The following NRBP2 variants were observed in gnomAD, a reference collection of about 807,000 sequenced individuals.
The protein encoded by NRBP2 is nuclear receptor-binding protein 2.
In NRBP2, 47 loss-of-function variants were observed where a neutral mutation model predicts 74.4. The observed-to-expected ratio is 0.63, with a 90% CI of 0.50 to 0.81. The LOEUF (loss-of-function observed/expected upper bound fraction) is 0.81. Among genes scored for constraint, NRBP2 ranks in the 30% least tolerant of loss-of-function variants. NRBP2 has a pLI of 0.00. For synonymous variants in NRBP2, 312 were observed against 273.8 expected (o/e 1.14, Z -1.38); for missense variants, 613 against 690.1 (o/e 0.89, Z 1.25).
Position 143,840,793 on chromosome 8 carries a change from C to T in NRBP2, c.42G>A (p.Arg14=), listed in dbSNP as rs1818660085. The part of the protein sequence containing the change: ...PEPAPRRARE[R]EREREDESED... The stretch of plus-strand genomic sequence containing the variant: ...CGCTCTCGTCCTCCCGCTCCCGCTC[C>T]CGTTCCCGGGCCCGCCTCGGCGCCG... The change falls in exon 1 of 18, where the codon CGG becomes CGA. Residue 14 remains arginine, a synonymous_variant. Transcript: ENST00000442628. This position sits in a 1 kb window ranked among gnomAD's most constrained non-coding sequence, Gnocchi z 5.7. 1.3e-6 allele frequency: 2 copies of T among 1,504,242 alleles called. No individual in the cohort carries two copies. The highest frequency in any genetic ancestry group is 2.7e-5 in the East Asian group (1 of 36,542). 93.2% of individuals were successfully genotyped at this position (1,504,242 alleles called of 1,614,324 possible). A position where few individuals can be genotyped will look rare whatever the true frequency, so the allele number is the denominator to read the frequency against.
In NRBP2 at chr8:143,837,600, C is replaced by T. The variant is rs782153057; in HGVS notation, c.973+23G>A. Reference sequence around the variant, plus strand: ...CCCAACCTCCACCTCCCCAGCCACCCCCCGGGCCGGCCTGCTGCTCACACT... The same window carrying T: ...CCCAACCTCCACCTCCCCAGCCACCTCCCGGGCCGGCCTGCTGCTCACACT... On this transcript the variant is annotated intron_variant, in intron 11 of 17. Coordinates refer to ENST00000442628, the MANE Select transcript of NRBP2 (RefSeq NM_178564.4). This position sits in a 1 kb window ranked among gnomAD's most constrained non-coding sequence, Gnocchi z 4.3. 2 of 1,597,534 alleles carry T rather than the reference C, an allele frequency of 1.3e-6. No homozygotes were observed. Among genetic ancestry groups the T allele is most frequent in the South Asian group, 1.1e-5 (1 of 88,296 alleles).
chr8:143,839,733 T>C lies in NRBP2; in HGVS notation c.444+3A>G. The C allele has an allele frequency of 6.5e-7, 1 of 1,535,560 alleles. No individual in the cohort carries two copies. Among genetic ancestry groups the C allele is most frequent in the Non-Finnish European group, 8.7e-7 (1 of 1,146,560 alleles). On this transcript the variant is annotated splice_donor_region_variant and intron_variant, in intron 4 of 17. Transcript: ENST00000442628. The surrounding 1 kb of genome is among the most constrained non-coding windows in gnomAD (Gnocchi z 5.1). ...CGTGGCTGCCCCAGCCCGCTCCCCA[T>C]ACCCGGGCGTTCATGGCCTTGTGGT...
At chr8:143,830,583 G>C (rs1282870734), downstream of NRBP2, among the ~76,000 whole-genome samples, 1 of 152,254 alleles carries the variant, frequency 6.6e-6, no homozygotes, top group African/African-American at 2.4e-5. Flanking sequence ...TAGCTCAAAA[G>C]AAAAGACTGG....
chr8:143,836,292 G>C (rs1818382216), intron 14 of NRBP2, 112 bp from the exon 15 acceptor site: 6 of 1,382,718 alleles, frequency 4.3e-6, no homozygotes. Flanking sequence ...ATCTCTAAGA[G>C]GAGCCCATCT....
rs1457494212 is a variant in NRBP2 at position 143,839,026 on chromosome 8, CTG to C, written c.677_678del (p.Pro226ArgfsTer50). ...ACCCAGCACCACTCACCTCCATACT[CTG>C]GGGGGAAGAAGTGCAGGTTCCGAAG... ...EELRNLHFFP[P>X]EYGEVADGTA... On this transcript the variant is annotated frameshift_variant, in exon 8 of 18. Coordinates refer to ENST00000442628, the MANE Select transcript of NRBP2 (RefSeq NM_178564.4). LOFTEE classifies it high-confidence loss of function. The surrounding 1 kb of genome is among the most constrained non-coding windows in gnomAD (Gnocchi z 5.1). 1.3e-6 allele frequency: 2 copies of C among 1,545,148 alleles called. No individual in the cohort carries two copies. The highest frequency in any genetic ancestry group is 1.7e-6 in the Non-Finnish European group (2 of 1,146,200).
chr8:143,837,489 C>A lies in NRBP2; in HGVS notation c.994G>T (p.Val332Leu), dbSNP rs782383760. 5 of 1,611,000 alleles carry A rather than the reference C, an allele frequency of 3.1e-6. No individual in the cohort carries two copies. In the Admixed American group the frequency reaches 8.4e-5, roughly 27 times the overall value. Reference sequence around the variant, plus strand: ...TCCATGGCCTTGGTCTTCTCCTCCACCACATTCTCAGGCATGAGGTCTGCG... The same window carrying A: ...TCCATGGCCTTGGTCTTCTCCTCCAACACATTCTCAGGCATGAGGTCTGCG... The part of the protein sequence containing the change: ...QHQYLMPENV[V>L]EEKTKAMDLH... The change falls in exon 12 of 18, where the codon GTG (valine) becomes TTG (leucine). Residue 332 changes from valine to leucine, a missense_variant. This residue lies in a region of NRBP2 where 281 missense variants were observed against 260.9 expected (regional missense o/e 1.08). Transcript: ENST00000442628. This position sits in a 1 kb window ranked among gnomAD's most constrained non-coding sequence, Gnocchi z 4.3.
In NRBP2 at chr8:143,837,112, A is replaced by G. The variant is rs56010327; in HGVS notation, c.1190T>C (p.Leu397Pro). The G allele has an allele frequency of 6.0e-3, 9,607 of 1,612,592 alleles. 380 individuals carry two copies. In the African/African-American group the frequency reaches 0.095, roughly 16 times the overall value. ...TTGGACCTCCTCCGGGGGTGGGGCCAGCACACGGGGCAGCCCCAGGGGTCG... is the reference window on the plus strand; with the variant it reads ...TTGGACCTCCTCCGGGGGTGGGGCCGGCACACGGGGCAGCCCCAGGGGTCG... ...ATRPLGLPRV[L>P]APPPEEVQKA... The change falls in exon 14 of 18, where the codon CTG becomes CCG. Residue 397 changes from leucine (L) to proline (P), a missense_variant. Coordinates refer to ENST00000442628, the MANE Select transcript of NRBP2 (RefSeq NM_178564.4). This position sits in a 1 kb window ranked among gnomAD's most constrained non-coding sequence, Gnocchi z 4.3.
In NRBP2 at chr8:143,836,086, G is replaced by A. The variant is rs782149448; in HGVS notation, c.1317+41C>T. 1.4e-5 allele frequency: 22 copies of A among 1,588,392 alleles called. No individual in the cohort carries two copies. In the East Asian group the frequency reaches 1.8e-4, roughly 13 times the overall value. Reference sequence around the variant, plus strand: ...GGGTTCAGGGCTCCGCCACGCTCCCGCCTTCCCCACGGCAGCGCCGCCCTC... The same window carrying A: ...GGGTTCAGGGCTCCGCCACGCTCCCACCTTCCCCACGGCAGCGCCGCCCTC... On this transcript the variant is annotated intron_variant, in intron 15 of 17. Coordinates refer to ENST00000442628, the MANE Select transcript of NRBP2 (RefSeq NM_178564.4).
chr8:143,837,093 C>T lies in NRBP2; in HGVS notation c.1209G>A (p.Glu403=), dbSNP rs782450016. Residue 403 remains glutamate, a synonymous_variant, in exon 14 of 18, where the codon GAG becomes GAA. Transcript: ENST00000442628. The surrounding 1 kb of genome is among the most constrained non-coding windows in gnomAD (Gnocchi z 4.3). The part of the protein sequence containing the change: ...LPRVLAPPPE[E]VQKAKTPTPE... The stretch of plus-strand genomic sequence containing the variant: ...GCGTCGGGGTCTTGGCCTTTTGGAC[C>T]TCCTCCGGGGGTGGGGCCAGCACAC... 6.2e-7 allele frequency: 1 copy of T among 1,611,306 alleles called. No individual in the cohort carries two copies. The highest frequency in any genetic ancestry group is 8.5e-7 in the Non-Finnish European group (1 of 1,179,076).
chr8:143,836,204 T>G (rs782384532), intron 14 of NRBP2, 24 bp from the exon 15 acceptor site: 4 of 1,519,226 alleles, frequency 2.6e-6, no homozygotes, highest in Non-Finnish European at 3.5e-6. Context: ...AGGCTGGGAC[T>G]CACAAACCCA....
downstream of NRBP2, among the ~76,000 whole-genome samples, chr8:143,831,789 G>T (rs139287358): frequency 1.6e-3 from 238 of 152,346 alleles, 2 homozygotes; most frequent in African/African-American, 5.4e-3. Flanking sequence ...ACACATCATT[G>T]AGAATTACCC....
At position 143,837,406 on chromosome 8, in the gene NRBP2, C is replaced by G; in HGVS notation, c.1076+1G>C. On this transcript the variant is annotated splice_donor_variant, in intron 12 of 17. Transcript: ENST00000442628. LOFTEE classifies it high-confidence loss of function. The surrounding 1 kb of genome is among the most constrained non-coding windows in gnomAD (Gnocchi z 4.3). ...GAGGCTTCTGGGTGCTGACTGCTCA[C>G]CGCCACTGCAGCGGGGGCCTGCGGG... The G allele has an allele frequency of 6.3e-7, 1 of 1,593,694 alleles. No individual in the cohort carries two copies. The highest frequency in any genetic ancestry group is 8.5e-7 in the Non-Finnish European group (1 of 1,171,838).
At chr8:143,832,114 C>A (rs1554650389), downstream of NRBP2, among the ~76,000 whole-genome samples, 1 of 152,188 alleles carries the variant, frequency 6.6e-6, no homozygotes, top group African/African-American at 2.4e-5. Flanking sequence ...TAATCTATGA[C>A]CTTACCCCCA....
At position 143,835,851 on chromosome 8, in the gene NRBP2, G is replaced by A. The variant is rs782678036; in HGVS notation, c.1406C>T (p.Ser469Leu). 45 of 1,600,974 alleles carry A rather than the reference G, an allele frequency of 2.8e-5. 1 individual carries two copies. The highest frequency in any genetic ancestry group is 6.7e-5 in the East Asian group (3 of 44,502). Residue 469 changes from serine (S) to leucine (L), a missense_variant, in exon 17 of 18, where the codon TCG becomes TTG. Around this residue, in one of 2 missense-constraint regions of NRBP2, gnomAD observed 281 missense variants for 260.9 expected, o/e 1.08. Coordinates refer to ENST00000442628, the MANE Select transcript of NRBP2 (RefSeq NM_178564.4). This position sits in a 1 kb window ranked among gnomAD's most constrained non-coding sequence, Gnocchi z 4.9. ...GAGGAAGCCATAGTGCACGAGCTCCGAGGCGAGGTCCTGGGCGCTGTCCGC... is the reference window on the plus strand; with the variant it reads ...GAGGAAGCCATAGTGCACGAGCTCCAAGGCGAGGTCCTGGGCGCTGTCCGC... ...LPTDSAQDLA[S>L]ELVHYGFLHE...
At chr8:143,832,727 A>G (rs1279145893), downstream of NRBP2, among the ~76,000 whole-genome samples, 1 of 152,182 alleles carries the variant, frequency 6.6e-6, no homozygotes, top group Admixed American at 6.5e-5. Flanking sequence ...TCTCCCCACT[A>G]TTGTCTTGTG....
In NRBP2 at chr8:143,839,620, C is replaced by T; in HGVS notation, c.445-71G>A. 2.7e-6 allele frequency: 4 copies of T among 1,507,070 alleles called. No homozygotes were observed. The highest frequency in any genetic ancestry group is 2.5e-5 in the East Asian group (1 of 40,564). The allele number at this position is 1,507,070 out of a possible 1,614,324, so 93.4% of individuals were successfully genotyped here. Reference sequence around the variant, plus strand: ...GGCGGCTGGGCCTGCGGAGCCCGCCCCGCATCCTCGCCCAGCCCCTGTCCG... The same window carrying T: ...GGCGGCTGGGCCTGCGGAGCCCGCCTCGCATCCTCGCCCAGCCCCTGTCCG... On this transcript the variant is annotated intron_variant, in intron 4 of 17. Coordinates refer to ENST00000442628, the MANE Select transcript of NRBP2 (RefSeq NM_178564.4). This position sits in a 1 kb window ranked among gnomAD's most constrained non-coding sequence, Gnocchi z 5.1.
Position 143,840,528 on chromosome 8 carries a change from TC to T in NRBP2, c.129+177del. On this transcript the variant is annotated intron_variant, in intron 1 of 17. Coordinates refer to ENST00000442628, the MANE Select transcript of NRBP2 (RefSeq NM_178564.4). This position sits in a 1 kb window ranked among gnomAD's most constrained non-coding sequence, Gnocchi z 5.7. ...TGGGAGGAGACTGGCCCTCAGGGAG[TC>T]CCAGGGCGAGCGCCAGGCCAAAGGG... The T allele has an allele frequency of 1.5e-6, 1 of 680,336 alleles. No individual in the cohort carries two copies. The highest frequency in any genetic ancestry group is 2.4e-6 in the Non-Finnish European group (1 of 421,364). 42.1% of individuals were successfully genotyped at this position (680,336 alleles called of 1,614,324 possible). A position where few individuals can be genotyped will look rare whatever the true frequency, so the allele number is the denominator to read the frequency against.
At chr8:143,836,390 C>A (rs1242610630) in intron 14 of NRBP2, among the ~76,000 whole-genome samples, 5 of 151,930 alleles carry the variant, frequency 3.3e-5, no homozygotes, top group African/African-American at 1.2e-4. Context: ...GGAGCTTTCA[C>A]CGCGGAGAGA....
At position 143,837,177 on chromosome 8, in the gene NRBP2, G is replaced by A. The variant is rs546679867; in HGVS notation, c.1128-3C>T. ...TCATCAGTGGGTAGATTCCATTCCT[G>A]GGGACACAACAGGGTGGCTGGGGGT... On this transcript the variant is annotated splice_polypyrimidine_tract_variant and splice_region_variant and intron_variant, in intron 13 of 17. Transcript: ENST00000442628. This position sits in a 1 kb window ranked among gnomAD's most constrained non-coding sequence, Gnocchi z 4.3. The A allele has an allele frequency of 2.5e-6, 4 of 1,613,540 alleles. No homozygotes were observed. The highest frequency in any genetic ancestry group is 2.7e-5 in the African/African-American group (2 of 75,012).
Sources: gnomAD v4.1 joint callset for allele counts (sites outside exome capture counted in the v4.1 genomes callset) on GRCh38, gnomAD v4.1.1 for gene constraint, gnomAD v4.1.1 regional missense constraint, Gnocchi (gnomAD v3.1) non-coding constraint, MANE v1.5 for transcripts, NCBI Gene and HGNC (gene_info 2026-07-23, HGNC 2026-07-21) for gene names.